The following RBM6 variants were observed in gnomAD, a reference collection of about 807,000 sequenced individuals.
RBM6 encodes RNA binding motif protein 6.
A neutral mutation model predicts 140.4 loss-of-function variants in RBM6; 23 were observed. The observed-to-expected ratio is 0.16, with a 90% CI of 0.12 to 0.23. The LOEUF (loss-of-function observed/expected upper bound fraction) is 0.23, where lower values mean the gene tolerates loss of function less well. RBM6 is among the 10% of genes least tolerant of loss of function. The pLI is 1.00. For missense variants in RBM6, 1,139 were observed against 1,386.7 expected, an observed-to-expected ratio of 0.82 and a Z score of 2.84; for synonymous variants, 439 against 475.6, an observed-to-expected ratio of 0.92 and a Z score of 1.00.
intron 12 of RBM6, 47 bp downstream of exon 12, chr3:50,061,045 C>CT (rs1196297309): frequency 6.2e-7 from 1 of 1,603,806 alleles, no homozygotes; most frequent in African/African-American, 1.3e-5. Context: ...CCTCAGGTGA[C>CT]TATAAGGGTG....
At chr3:50,059,789 T>TGAGGA in intron 11 of RBM6, 43 bp downstream of exon 11, 1 of 1,505,662 alleles carries the variant, frequency 6.6e-7, no homozygotes, top group South Asian at 1.2e-5. Context: ...CCCCCACTTG[T>TGAGGA]GTTTTTGAGA....
At chr3:49,984,728 C>G (rs1413519711) in intron 5 of RBM6, among the ~76,000 whole-genome samples, 3 of 152,074 alleles carry the variant, frequency 2.0e-5, no homozygotes, top group African/African-American at 7.2e-5. Context: ...GTCAGCCTTA[C>G]TGTTTGTTGA....
intron 6 of RBM6, among the ~76,000 whole-genome samples, chr3:50,009,036 G>A (rs1268023405): frequency 2.0e-5 from 3 of 152,206 alleles, no homozygotes; most frequent in Non-Finnish European, 2.9e-5. Context: ...CTGCTTGGTT[G>A]TACCAACTTC....
intron 7 of RBM6, among the ~76,000 whole-genome samples, chr3:50,051,147 CT>C (rs1175203558): frequency 6.6e-6 from 1 of 151,952 alleles, no homozygotes; most frequent in Non-Finnish European, 1.5e-5. Context: ...CGAGACCAGC[CT>C]GGGCAACATG....
intron 8 of RBM6, among the ~76,000 whole-genome samples, chr3:50,056,741 T>A (rs958948007): frequency 2.0e-5 from 3 of 152,212 alleles, no homozygotes; most frequent in African/African-American, 7.2e-5. Context: ...CAGTGAACCC[T>A]CCAAGAATGA....
chr3:50,025,080 G>GT (rs111449769), intron 6 of RBM6, among the ~76,000 whole-genome samples: 1,673 of 146,550 alleles, frequency 0.011, 39 homozygotes, highest in African/African-American at 0.039. Flanking sequence ...TGGACTGTGG[G>GT]TTTTTTTTTT....
At chr3:49,953,018 G>A (rs1438570110) in intron 1 of RBM6, among the ~76,000 whole-genome samples, 5 of 151,982 alleles carry the variant, frequency 3.3e-5, no homozygotes, top group East Asian at 1.9e-4. Context: ...AAAGTGCTGC[G>A]ATTATAGGCA....
rs982984658 is a variant in RBM6, at chr3:49,982,554, A to G, written c.1483+7162A>G. On this transcript the variant is annotated intron_variant, in intron 5 of 20. Transcript: ENST00000266022. The stretch of plus-strand genomic sequence containing the variant: ...CTCAGTCTCCCAAGTAGCTGGGCTT[A>G]CAGGCACCCGCCACCACGCCCAGCT... Among the ~76,000 whole-genome samples the G allele has an allele frequency of 2.0e-5, 3 of 151,528 alleles. No individual in the cohort carries two copies. In the East Asian group the frequency reaches 5.8e-4, roughly 29 times the overall value.
chr3:50,033,054 C>T (rs1287113644), intron 6 of RBM6, among the ~76,000 whole-genome samples: 7 of 151,328 alleles, frequency 4.6e-5, no homozygotes, highest in African/African-American at 1.7e-4. Context: ...CACAGCACTT[C>T]GGGAGGCCAA....
At chr3:49,964,602 G>A (rs1486955511) in intron 2 of RBM6, among the ~76,000 whole-genome samples, 1 of 152,126 alleles carries the variant, frequency 6.6e-6, no homozygotes, top group Admixed American at 6.6e-5. Flanking sequence ...CACAAAATCC[G>A]ATATGTTTAC....
At chr3:49,977,355 G>A (rs534098044) in intron 5 of RBM6, among the ~76,000 whole-genome samples, 2 of 152,310 alleles carry the variant, frequency 1.3e-5, no homozygotes, top group South Asian at 4.1e-4. Context: ...CTGAGGCCTT[G>A]TGTCACTCTC....
intron 7 of RBM6, among the ~76,000 whole-genome samples, chr3:50,051,075 C>T (rs2089446986): frequency 6.6e-6 from 1 of 152,100 alleles, no homozygotes; most frequent in Non-Finnish European, 1.5e-5. Flanking sequence ...AGGTGTGGCT[C>T]ATGGCTGTAA....
chr3:49,963,652 GCATTTAGTTGT>G (rs2084381943), intron 2 of RBM6, among the ~76,000 whole-genome samples: 1 of 152,118 alleles, frequency 6.6e-6, no homozygotes, highest in Non-Finnish European at 1.5e-5. Context: ...GAAAGTGGTA[GCATTTAGTTGT>G]AAATAGATTG....
At chr3:50,030,370 GAAT>G (rs1379266064) in intron 6 of RBM6, among the ~76,000 whole-genome samples, 1 of 150,784 alleles carries the variant, frequency 6.6e-6, no homozygotes, top group Non-Finnish European at 1.5e-5. Flanking sequence ...TTGGGAGGGA[GAAT>G]AATTGGTTGG....
chr3:50,051,258 T>C (rs1427770011), intron 7 of RBM6, among the ~76,000 whole-genome samples: 1 of 152,204 alleles, frequency 6.6e-6, no homozygotes, highest in Non-Finnish European at 1.5e-5. Flanking sequence ...GAGGATCACC[T>C]GAGCCCAGGA....
intron 1 of RBM6, among the ~76,000 whole-genome samples, chr3:49,960,780 G>A (rs1051224532): frequency 6.6e-6 from 1 of 152,116 alleles, no homozygotes; most frequent in African/African-American, 2.4e-5. Context: ...GAGACAGTGG[G>A]GTTGATACTA....
At chr3:50,027,879 T>C (rs1357250966) in intron 6 of RBM6, among the ~76,000 whole-genome samples, 1 of 152,226 alleles carries the variant, frequency 6.6e-6, no homozygotes, top group Non-Finnish European at 1.5e-5. Context: ...AACTTCCAGC[T>C]TTTTACCAGC....
Position 49,967,541 on chromosome 3 carries a change from C to A in RBM6, c.116C>A (p.Ala39Asp). 1 of 1,614,120 alleles carries A rather than the reference C, an allele frequency of 6.2e-7. No individual in the cohort carries two copies. Among genetic ancestry groups the A allele is most frequent in the African/African-American group, 1.3e-5 (1 of 75,016 alleles). Residue 39 changes from alanine (A) to aspartate (D), a missense_variant, in exon 3 of 21, where the codon GCT (alanine) becomes GAT (aspartate). Transcript: ENST00000266022. The surrounding 1 kb of genome is among the most constrained non-coding windows in gnomAD (Gnocchi z 4.0). ...CCTCCTCCTCCCCTTAAGAGTCATG[C>A]TCAAGAGAGACACTCTGGCAACTTT... ...DYPPPPLKSH[A>D]QERHSGNFPG...
intron 16 of RBM6, chr3:50,065,441 C>T (rs1559650756): frequency 4.6e-6 from 2 of 438,740 alleles, no homozygotes; most frequent in East Asian, 5.7e-5. Context: ...CAAGGAAACC[C>T]GTTTTCTCAG....
Sources: gnomAD v4.1 joint callset for allele counts (sites outside exome capture counted in the v4.1 genomes callset) on GRCh38, gnomAD v4.1.1 for gene constraint, Gnocchi (gnomAD v3.1) non-coding constraint, MANE v1.5 for transcripts, NCBI Gene and HGNC (gene_info 2026-07-23, HGNC 2026-07-21) for gene names.